Variants in CCL8 observed in about 807,000 individuals in gnomAD.
CCL8 encodes the protein C-C motif chemokine ligand 8, also known as C-C motif chemokine 8.
CCL8 carries 3 observed loss-of-function variants against 6.6 expected under a neutral mutation model. That is an observed-to-expected ratio of 0.45 (90% CI 0.21 to 1.17). The LOEUF (loss-of-function observed/expected upper bound fraction) is 1.17. Among genes scored for constraint, CCL8 ranks in the 50% most tolerant of loss-of-function variants. The pLI is 0.24. For synonymous variants in CCL8, 49 were observed against 41.8 expected, an observed-to-expected ratio of 1.17 and a Z score of -0.67; for missense variants, 127 against 118.1, an observed-to-expected ratio of 1.08 and a Z score of -0.35.
intron 1 of CCL8, among the ~76,000 whole-genome samples, chr17:34,319,990 G>A (rs993639682): frequency 8.5e-5 from 13 of 152,184 alleles, no homozygotes; most frequent in Admixed American, 7.9e-4. Flanking sequence ...TGGGAAGCAA[G>A]GTATTGGAAC....
chr17:34,319,452 C>T lies in CCL8; in HGVS notation c.-50C>T, dbSNP rs199536140. ...CGAGGAGCAGAGAGGTTGAGAACAA[C>T]CCAGAAACCTTCACCTCTCATGCTG... On this transcript the variant is annotated 5_prime_UTR_variant, in exon 1 of 3. Transcript: ENST00000394620. 131 of 1,555,556 alleles carry T rather than the reference C, an allele frequency of 8.4e-5. No homozygotes were observed. In the South Asian group the frequency reaches 1.3e-3, roughly 15 times the overall value.
rs745916812 is a variant in CCL8, at chr17:34,320,933, G to C, written c.*26G>C. 4 of 1,464,876 alleles carry C rather than the reference G, an allele frequency of 2.7e-6. No individual in the cohort carries two copies. Among genetic ancestry groups the C allele is most frequent in the Admixed American group, 1.9e-5 (1 of 52,922 alleles). The allele number at this position is 1,464,876 out of a possible 1,614,324, so 90.7% of individuals were successfully genotyped here. Reference sequence around the variant, plus strand: ...GCCTTCATACATGGACTGAGAGTCAGAGCTTGAAGAAAAGCTTATTTATTT... The same window carrying C: ...GCCTTCATACATGGACTGAGAGTCACAGCTTGAAGAAAAGCTTATTTATTT... On this transcript the variant is annotated 3_prime_UTR_variant, in exon 3 of 3. Coordinates refer to ENST00000394620, the MANE Select transcript of CCL8 (RefSeq NM_005623.3).
chr17:34,319,455 A>G lies in CCL8; in HGVS notation c.-47A>G. 6.4e-7 allele frequency: 1 copy of G among 1,572,318 alleles called. No homozygotes were observed. Among genetic ancestry groups the G allele is most frequent in the Non-Finnish European group, 8.7e-7 (1 of 1,142,966 alleles). On this transcript the variant is annotated 5_prime_UTR_variant, in exon 1 of 3. Coordinates refer to ENST00000394620, the MANE Select transcript of CCL8 (RefSeq NM_005623.3). ...GGAGCAGAGAGGTTGAGAACAACCC[A>G]GAAACCTTCACCTCTCATGCTGAAG...
At chr17:34,319,599 G>A in intron 1 of CCL8, 22 bp downstream of exon 1, 1 of 1,569,080 alleles carries the variant, frequency 6.4e-7, no homozygotes, top group Non-Finnish European at 8.8e-7. Flanking sequence ...CCCTTTTTAA[G>A]GGGAGACCAA....
intron 1 of CCL8, 145 bp from the exon 2 acceptor site, chr17:34,320,124 C>T (rs1909475115): frequency 1.6e-6 from 1 of 616,410 alleles, no homozygotes; most frequent in African/African-American, 1.9e-5. Flanking sequence ...GACTCACAGG[C>T]AACATTTTAT....
rs1279429154 is a variant in CCL8 at position 34,320,387 on chromosome 17, G to A, written c.194+1G>A. The A allele has an allele frequency of 2.5e-6, 4 of 1,584,066 alleles. No homozygotes were observed. The highest frequency in any genetic ancestry group is 4.5e-5 in the East Asian group (2 of 44,770). On this transcript the variant is annotated splice_donor_variant, in intron 2 of 2. Coordinates refer to ENST00000394620, the MANE Select transcript of CCL8 (RefSeq NM_005623.3). LOFTEE classifies it high-confidence loss of function. Reference sequence around the variant, plus strand: ...TCCAATGTCCCAAGGAAGCTGTGATGTGAGTGGACAGTGCCTGGCACCCCC... The same window carrying A: ...TCCAATGTCCCAAGGAAGCTGTGATATGAGTGGACAGTGCCTGGCACCCCC...
intron 2 of CCL8, 115 bp downstream of exon 2, chr17:34,320,501 C>T (rs887876784): frequency 2.8e-6 from 2 of 721,430 alleles, no homozygotes; most frequent in East Asian, 5.1e-5. Context: ...AAGGGCCCCT[C>T]TACCCCATAG....
chr17:34,320,803 T>A lies in CCL8; in HGVS notation c.196T>A (p.Phe66Ile). The change falls in exon 3 of 3, where the codon TTC becomes ATC. Residue 66 changes from phenylalanine to isoleucine, a missense_variant and splice_region_variant. Phe to Ile is a conservative substitution (Grantham distance 21, BLOSUM62 0). Transcript: ENST00000394620. ...NIQCPKEAVIFKTKRGKEVCA... is the reference protein window; with the variant it reads ...NIQCPKEAVIIKTKRGKEVCA... The stretch of plus-strand genomic sequence containing the variant: ...AATTGTGCCCTCTCTCCCCCACAGC[T>A]TCAAGACCAAACGGGGCAAGGAGGT... 6.3e-7 allele frequency: 1 copy of A among 1,598,832 alleles called. No homozygotes were observed. Among genetic ancestry groups the A allele is most frequent in the East Asian group, 2.3e-5 (1 of 44,410 alleles).
Position 34,319,463 on chromosome 17 carries a change from T to A in CCL8, c.-39T>A. The A allele has an allele frequency of 6.3e-7, 1 of 1,593,560 alleles. No homozygotes were observed. Among genetic ancestry groups the A allele is most frequent in the Non-Finnish European group, 8.6e-7 (1 of 1,162,034 alleles). On this transcript the variant is annotated 5_prime_UTR_variant, in exon 1 of 3. Transcript: ENST00000394620. ...GAGGTTGAGAACAACCCAGAAACCT[T>A]CACCTCTCATGCTGAAGCTCACACC...
intron 2 of CCL8, 49 bp from the exon 3 acceptor site, chr17:34,320,753 G>T: frequency 8.2e-7 from 1 of 1,212,814 alleles, no homozygotes. Flanking sequence ...ACAGTCCTGT[G>T]CAGGATCTTC....
chr17:34,320,241 G>A (rs200733488), intron 1 of CCL8, 28 bp from the exon 2 acceptor site: 43 of 1,414,782 alleles, frequency 3.0e-5, no homozygotes, highest in Non-Finnish European at 4.3e-5. Context: ...GGTCCTAAAT[G>A]TCTCATTCTT....
Position 34,321,009 on chromosome 17 carries a change from C to A in CCL8, c.*102C>A. 1.6e-6 allele frequency: 1 copy of A among 641,918 alleles called. No homozygotes were observed. Among genetic ancestry groups the A allele is most frequent in the South Asian group, 2.0e-5 (1 of 49,750 alleles). 39.8% of individuals were successfully genotyped at this position (641,918 alleles called of 1,614,324 possible). Reference sequence around the variant, plus strand: ...TGACATTATTTTATTATAACATCCACAAAGAGATTATTTTTAAATAATTTA... The same window carrying A: ...TGACATTATTTTATTATAACATCCAAAAAGAGATTATTTTTAAATAATTTA... On this transcript the variant is annotated 3_prime_UTR_variant, in exon 3 of 3. Coordinates refer to ENST00000394620, the MANE Select transcript of CCL8 (RefSeq NM_005623.3).
At chr17:34,319,775 T>C (rs1909466139) in intron 1 of CCL8, among the ~76,000 whole-genome samples, 198 bp downstream of exon 1, 2 of 152,144 alleles carry the variant, frequency 1.3e-5, no homozygotes, top group African/African-American at 4.8e-5. Context: ...GGGGAAATAA[T>C]CCAGAACGAA....
chr17:34,320,859 G>A lies in CCL8; in HGVS notation c.252G>A (p.Arg84=), dbSNP rs201942423. The change falls in exon 3 of 3, where the codon AGG becomes AGA. Residue 84 remains arginine (R), a synonymous_variant. Coordinates refer to ENST00000394620, the MANE Select transcript of CCL8 (RefSeq NM_005623.3). ...VCADPKERWV[R]DSMKHLDQIF... ...CTGACCCCAAGGAGAGATGGGTCAG[G>A]GATTCCATGAAGCATCTGGACCAAA... 4 of 1,611,584 alleles carry A rather than the reference G, an allele frequency of 2.5e-6. No individual in the cohort carries two copies. Among genetic ancestry groups the A allele is most frequent in the Non-Finnish European group, 3.4e-6 (4 of 1,178,870 alleles).
At chr17:34,320,136 T>C (rs1428599009) in intron 1 of CCL8, 133 bp from the exon 2 acceptor site, 1 of 628,784 alleles carries the variant, frequency 1.6e-6, no homozygotes, top group South Asian at 1.9e-5. Context: ...ACATTTTATC[T>C]CTGGGATCTG....
Position 34,321,009 on chromosome 17 carries a change from CAA to C in CCL8, c.*104_*105del. ...TGACATTATTTTATTATAACATCCA[CAA>C]AGAGATTATTTTTAAATAATTTAAA... On this transcript the variant is annotated 3_prime_UTR_variant, in exon 3 of 3. Coordinates refer to ENST00000394620, the MANE Select transcript of CCL8 (RefSeq NM_005623.3). 1.6e-6 allele frequency: 1 copy of C among 641,920 alleles called. No homozygotes were observed. The highest frequency in any genetic ancestry group is 3.2e-5 in the East Asian group (1 of 31,600). The allele number at this position is 641,920 out of a possible 1,614,324, so 39.8% of individuals were successfully genotyped here. A position where few individuals can be genotyped will look rare whatever the true frequency, so the allele number is the denominator to read the frequency against.
Position 34,320,905 on chromosome 17 carries a change from T to C in CCL8, c.298T>C (p.Ter100ArgextTer11), listed in dbSNP as rs201616831. 1.9e-6 allele frequency: 3 copies of C among 1,596,800 alleles called. No homozygotes were observed. The South Asian group carries it at 3.3e-5, about 18-fold the overall frequency. The stretch of plus-strand genomic sequence containing the variant: ...CCAAATATTTCAAAATCTGAAGCCA[T>C]GAGCCTTCATACATGGACTGAGAGT... Reference protein sequence around the residue: ...LDQIFQNLKP* With the variant: ...LDQIFQNLKPR Residue 100 changes from the stop codon to arginine (R), a stop_lost, in exon 3 of 3, where the codon TGA (stop) becomes CGA (arginine). Transcript: ENST00000394620.
chr17:34,320,162 C>A, intron 1 of CCL8, 107 bp from the exon 2 acceptor site: 1 of 714,264 alleles, frequency 1.4e-6, no homozygotes, highest in Non-Finnish European at 2.5e-6. Flanking sequence ...AGACACTGAA[C>A]TTGGGATGGT....
At chr17:34,320,513 G>A (rs974229578) in intron 2 of CCL8, 127 bp downstream of exon 2, 3 of 682,826 alleles carry the variant, frequency 4.4e-6, no homozygotes, top group Non-Finnish European at 7.8e-6. Flanking sequence ...ACCCCATAGA[G>A]AAACTCAGTC....
Sources: gnomAD v4.1 joint callset for allele counts (sites outside exome capture counted in the v4.1 genomes callset) on GRCh38, gnomAD v4.1.1 for gene constraint, MANE v1.5 for transcripts, NCBI Gene and HGNC (gene_info 2026-07-23, HGNC 2026-07-21) for gene names.